VCL: variants seen among roughly 807,000 people sequenced by gnomAD.
The protein encoded by VCL is epididymis luminal protein 114.
VCL carries 47 observed loss-of-function variants against 125.7 expected under a neutral mutation model. The observed-to-expected ratio is 0.37, with a 90% CI of 0.30 to 0.48. VCL has a LOEUF of 0.48. Among genes scored for constraint, VCL ranks in the 20% least tolerant of loss-of-function variants. The pLI, the probability that VCL is intolerant of heterozygous loss-of-function variation, is 0.99. For missense variants in VCL, 1,069 were observed against 1,455.5 expected, an observed-to-expected ratio of 0.73 and a Z score of 4.32; for synonymous variants, 458 against 514.6, an observed-to-expected ratio of 0.89 and a Z score of 1.49.
At chr10:74,062,367 A>AT (rs34306365) in intron 2 of VCL, among the ~76,000 whole-genome samples, 69,176 of 113,916 alleles carry the variant, frequency 0.61, 22,045 homozygotes, top group African/African-American at 0.65. Flanking sequence ...GCCTGGCCTG[A>AT]TTTTTTTTTT....
At position 74,075,257 on chromosome 10, in the gene VCL, G is replaced by A. The variant is rs527821479; in HGVS notation, c.783+354G>A. On this transcript the variant is annotated intron_variant, in intron 6 of 21. Coordinates refer to ENST00000211998, the MANE Select transcript of VCL (RefSeq NM_014000.3). Reference sequence around the variant, plus strand: ...TGGGTGGTTCTTCCCAGCTGACTAAGTAAGATACAGATATGCCTGTAATTC... The same window carrying A: ...TGGGTGGTTCTTCCCAGCTGACTAAATAAGATACAGATATGCCTGTAATTC... The A allele has an allele frequency of 1.3e-5, 3 of 231,562 alleles. No homozygotes were observed. The Admixed American group carries it at 1.5e-4, about 12-fold the overall frequency. 14.3% of individuals were successfully genotyped at this position (231,562 alleles called of 1,614,324 possible).
chr10:74,072,232 A>G (rs997925584), intron 4 of VCL, among the ~76,000 whole-genome samples: 9 of 152,192 alleles, frequency 5.9e-5, no homozygotes, highest in Non-Finnish European at 1.0e-4. Context: ...TCTAATTATA[A>G]AACTAGTACA....
rs751644253 is a variant in VCL at position 74,118,291 on chromosome 10, G to A, written c.*122G>A. ...AATCACATCCTGGCCTGGCACATCAGAAAGGAATGGGGGCCTCTTCAAATT... is the reference window on the plus strand; with the variant it reads ...AATCACATCCTGGCCTGGCACATCAAAAAGGAATGGGGGCCTCTTCAAATT... On this transcript the variant is annotated 3_prime_UTR_variant, in exon 22 of 22. Transcript: ENST00000211998. 14 of 1,197,602 alleles carry A rather than the reference G, an allele frequency of 1.2e-5. No homozygotes were observed. Among genetic ancestry groups the A allele is most frequent in the Non-Finnish European group, 1.7e-5 (14 of 828,568 alleles). 74.2% of individuals were successfully genotyped at this position (1,197,602 alleles called of 1,614,324 possible).
chr10:74,014,365 A>G (rs1323369026), intron 1 of VCL, among the ~76,000 whole-genome samples: 1 of 151,822 alleles, frequency 6.6e-6, no homozygotes, highest in East Asian at 1.9e-4. Context: ...CCCAGTAGCT[A>G]GGACTACAAG....
intron 1 of VCL, among the ~76,000 whole-genome samples, chr10:74,009,495 G>C (rs571543011): frequency 6.6e-6 from 1 of 152,032 alleles, no homozygotes; most frequent in African/African-American, 2.4e-5. Context: ...TGCTGACCTC[G>C]TGATCTGCCT....
intron 2 of VCL, among the ~76,000 whole-genome samples, chr10:74,058,943 AAG>A (rs1841431751): frequency 6.6e-6 from 1 of 151,716 alleles, no homozygotes; most frequent in Admixed American, 6.6e-5. Flanking sequence ...GAGAGAGAGA[AAG>A]AGATCTACTG....
At chr10:74,006,832 A>G (rs1840331081) in intron 1 of VCL, among the ~76,000 whole-genome samples, 1 of 152,202 alleles carries the variant, frequency 6.6e-6, no homozygotes, top group South Asian at 2.1e-4. Flanking sequence ...TCCCAAATCC[A>G]AAAAAATCTG....
intron 13 of VCL, 85 bp from the exon 14 acceptor site, chr10:74,100,863 C>T (rs1475949701): frequency 1.6e-5 from 25 of 1,528,242 alleles, no homozygotes; most frequent in Non-Finnish European, 1.7e-5. Flanking sequence ...CAGTTGCTGC[C>T]CTTCTTAAAG....
At chr10:74,054,268 T>C (rs1186853069) in intron 2 of VCL, among the ~76,000 whole-genome samples, 1 of 152,242 alleles carries the variant, frequency 6.6e-6, no homozygotes, top group Non-Finnish European at 1.5e-5. Context: ...TGTCTGTTTT[T>C]CTTATAATTG....
At position 74,083,517 on chromosome 10, in the gene VCL, A is replaced by G; in HGVS notation, c.1022+4A>G. 1 of 1,613,708 alleles carries G rather than the reference A, an allele frequency of 6.2e-7. No homozygotes were observed. The highest frequency in any genetic ancestry group is 8.5e-7 in the Non-Finnish European group (1 of 1,179,794). The stretch of plus-strand genomic sequence containing the variant: ...AAGTGGCTGACCTCCGTGCCAGGTA[A>G]AAGTTCCTCTGTCCTTACAGAGCAG... On this transcript the variant is annotated splice_donor_region_variant and intron_variant, in intron 8 of 21. Transcript: ENST00000211998.
chr10:74,058,018 C>T (rs1472138132), intron 2 of VCL, among the ~76,000 whole-genome samples: 1 of 152,188 alleles, frequency 6.6e-6, no homozygotes, highest in Admixed American at 6.5e-5. Flanking sequence ...ATGGACTTCT[C>T]AGACTGGGAA....
chr10:73,998,804 G>C lies in VCL; in HGVS notation c.168+429G>C, dbSNP rs1180505577. 2.0e-5 allele frequency among the ~76,000 whole-genome samples: 3 copies of C among 152,208 alleles called. No individual in the cohort carries two copies. In the South Asian group the frequency reaches 6.2e-4, roughly 32 times the overall value. ...TAGGCCTCCTCGATCTGGCTGTGCGGGGGAGGGAGAGCGGGCCTTCCCACG... is the reference window on the plus strand; with the variant it reads ...TAGGCCTCCTCGATCTGGCTGTGCGCGGGAGGGAGAGCGGGCCTTCCCACG... On this transcript the variant is annotated intron_variant, in intron 1 of 21. Transcript: ENST00000211998.
chr10:74,021,773 C>T (rs1840672420), intron 1 of VCL, among the ~76,000 whole-genome samples: 1 of 152,146 alleles, frequency 6.6e-6, no homozygotes, highest in African/African-American at 2.4e-5. Flanking sequence ...CTTTTTTCTC[C>T]TTCTTGTCTA....
At chr10:74,088,634 TAA>T (rs1839825281) in intron 8 of VCL, among the ~76,000 whole-genome samples, 1 of 152,196 alleles carries the variant, frequency 6.6e-6, no homozygotes. Flanking sequence ...CTTCACTATA[TAA>T]GTTAGAAAAT....
At chr10:74,020,266 C>T (rs1840635600) in intron 1 of VCL, among the ~76,000 whole-genome samples, 1 of 152,046 alleles carries the variant, frequency 6.6e-6, no homozygotes, top group Admixed American at 6.6e-5. Flanking sequence ...ACCTAGAATT[C>T]TTATTAAATC....
chr10:74,017,330 AGCCACCGC>A (rs1175428501), intron 1 of VCL, among the ~76,000 whole-genome samples: 2 of 151,938 alleles, frequency 1.3e-5, no homozygotes, highest in Non-Finnish European at 2.9e-5. Context: ...TACAGGCGTG[AGCCACCGC>A]GCCCGGCCTC....
chr10:74,028,677 G>A (rs1026021444), intron 1 of VCL, among the ~76,000 whole-genome samples: 1 of 151,986 alleles, frequency 6.6e-6, no homozygotes. Context: ...GATTACAGGC[G>A]TGAGCTATGG....
At position 74,099,969 on chromosome 10, in the gene VCL, T is replaced by C. The variant is rs180867798; in HGVS notation, c.1873-979T>C. On this transcript the variant is annotated intron_variant, in intron 13 of 21. Coordinates refer to ENST00000211998, the MANE Select transcript of VCL (RefSeq NM_014000.3). ...TGAACCAAGAGACCTTTAGAGATTGTCTAGAGCCAGAACTGATCTCCAAGT... is the reference window on the plus strand; with the variant it reads ...TGAACCAAGAGACCTTTAGAGATTGCCTAGAGCCAGAACTGATCTCCAAGT... 2.0e-5 allele frequency among the ~76,000 whole-genome samples: 3 copies of C among 152,300 alleles called. No individual in the cohort carries two copies. The East Asian group carries it at 5.8e-4, about 29-fold the overall frequency.
intron 1 of VCL, among the ~76,000 whole-genome samples, chr10:74,040,533 TTCATC>T: frequency 6.6e-6 from 1 of 152,214 alleles, no homozygotes; most frequent in Non-Finnish European, 1.5e-5. Flanking sequence ...GTGGCTGAAC[TTCATC>T]TTTTACTTCA....
Sources: allele counts gnomAD v4.1 joint callset (sites outside exome capture counted in the v4.1 genomes callset), GRCh38; gene constraint gnomAD v4.1.1; transcripts MANE v1.5; gene names NCBI Gene and HGNC (gene_info 2026-07-23, HGNC 2026-07-21).